PCDHGA8: variants seen among roughly 807,000 people sequenced by gnomAD.
PCDHGA8 encodes the protein protocadherin gamma subfamily A, 8.
In PCDHGA8, 45 loss-of-function variants were observed where a neutral mutation model predicts 59.2. The ratio of observed to expected loss-of-function variants is 0.76; its 90% CI spans 0.60 to 0.98. The LOEUF is 0.98. PCDHGA8 is among the 50% of genes least tolerant of loss of function. The pLI is 0.00. For synonymous variants in PCDHGA8, 531 were observed against 519.0 expected (o/e 1.02, Z -0.32); for missense variants, 1,257 against 1,196.2 (o/e 1.05, Z -0.75).
intron 1 of PCDHGA8, among the ~76,000 whole-genome samples, chr5:141,464,251 C>T (rs1438610569): frequency 1.4e-5 from 2 of 141,396 alleles, no homozygotes; most frequent in Admixed American, 7.5e-5. Flanking sequence ...GGCTACAGAG[C>T]GAGACTCCGT....
Position 141,485,855 on chromosome 5 carries a change from C to A in PCDHGA8, c.2425-8952C>A. ...CCCGCCGAGATCTGGCACCGCAGAG[C>A]TCCGGGTATCCGTGCTGGACGTAAA... On this transcript the variant is annotated intron_variant, in intron 1 of 3. Transcript: ENST00000398604. The surrounding 1 kb of genome is among the most constrained non-coding windows in gnomAD (Gnocchi z 5.7). 6.2e-7 allele frequency: 1 copy of A among 1,614,196 alleles called. No homozygotes were observed. Among genetic ancestry groups the A allele is most frequent in the Non-Finnish European group, 8.5e-7 (1 of 1,180,036 alleles).
rs1301800438 is a variant in PCDHGA8, at chr5:141,432,966, C to T, written c.2424+37729C>T. ...TCAGGAGGCGGCTTGACAGGAGCGC[C>T]GGCGTCGCACTTTGTGGGCGTGGAC... On this transcript the variant is annotated intron_variant, in intron 1 of 3. Coordinates refer to ENST00000398604, the MANE Select transcript of PCDHGA8 (RefSeq NM_032088.2). This position sits in a 1 kb window ranked among gnomAD's most constrained non-coding sequence, Gnocchi z 6.0. 1.2e-6 allele frequency: 2 copies of T among 1,614,066 alleles called. No homozygotes were observed. The highest frequency in any genetic ancestry group is 8.5e-7 in the Non-Finnish European group (1 of 1,180,052).
chr5:141,405,177 G>A, intron 1 of PCDHGA8: 3 of 1,614,140 alleles, frequency 1.9e-6, no homozygotes, highest in African/African-American at 1.3e-5. Flanking sequence ...CACTTTGTGG[G>A]TGTAGATGGG....
chr5:141,404,261 C>G, intron 1 of PCDHGA8: 1 of 1,613,950 alleles, frequency 6.2e-7, no homozygotes. Flanking sequence ...CACAGAAATT[C>G]ACATCACCCT....
rs151037104 is a variant in PCDHGA8, at chr5:141,393,242, C to G, written c.429C>G (p.Asn143Lys). 3 of 1,613,778 alleles carry G rather than the reference C, an allele frequency of 1.9e-6. 1 individual carries two copies. The East Asian group carries it at 6.7e-5, about 36-fold the overall frequency. ...TCGAAGATCTAGAAGTAAAAATTAA[C>G]GAAATCGCGGTTCCTGGAGCACGTT... ...FQVEDLEVKI[N>K]EIAVPGARYP... Residue 143 changes from asparagine (N) to lysine (K), a missense_variant, in exon 1 of 4, where the codon AAC becomes AAG. Physicochemically the swap from Asn to Lys is moderately conservative, Grantham distance 94 (BLOSUM62 0). Coordinates refer to ENST00000398604, the MANE Select transcript of PCDHGA8 (RefSeq NM_032088.2).
chr5:141,471,646 G>C (rs935284198), intron 1 of PCDHGA8: 1 of 152,108 alleles, frequency 6.6e-6, no homozygotes, highest in Non-Finnish European at 1.5e-5. Flanking sequence ...GTAATATACT[G>C]GATGTGGGGA....
At chr5:141,409,652 A>G in intron 1 of PCDHGA8, 1 of 1,613,654 alleles carries the variant, frequency 6.2e-7, no homozygotes, top group Non-Finnish European at 8.5e-7. Flanking sequence ...TTTGGGGCTC[A>G]ATGGCCACAT....
At chr5:141,470,682 T>C (rs2099236741) in intron 1 of PCDHGA8, among the ~76,000 whole-genome samples, 1 of 152,138 alleles carries the variant, frequency 6.6e-6, no homozygotes, top group Non-Finnish European at 1.5e-5. Flanking sequence ...TGTTACCATC[T>C]TGAAATTCTT....
rs1468210173 is a variant in PCDHGA8 at position 141,512,170 on chromosome 5, A to T, written c.*997A>T. 1 of 152,720 alleles carries T rather than the reference A, an allele frequency of 6.5e-6. No homozygotes were observed. The highest frequency in any genetic ancestry group is 1.5e-5 in the Non-Finnish European group (1 of 68,120). The allele number at this position is 152,720 out of a possible 1,614,324, so 9.5% of individuals were successfully genotyped here. On this transcript the variant is annotated 3_prime_UTR_variant, in exon 4 of 4. Coordinates refer to ENST00000398604, the MANE Select transcript of PCDHGA8 (RefSeq NM_032088.2). ...TGGGCTGAGCTAACAGGACCAATGG[A>T]TTAAACTGGCATTTCAGTCCAAGGA...
intron 1 of PCDHGA8, among the ~76,000 whole-genome samples, chr5:141,472,147 G>T (rs2099272889): frequency 6.6e-6 from 1 of 152,112 alleles, no homozygotes; most frequent in South Asian, 2.1e-4. Flanking sequence ...AAAGTTTCAT[G>T]GTTACATAGC....
At position 141,486,905 on chromosome 5, in the gene PCDHGA8, C is replaced by G. The variant is rs1463391292; in HGVS notation, c.2425-7902C>G. On this transcript the variant is annotated intron_variant, in intron 1 of 3. Coordinates refer to ENST00000398604, the MANE Select transcript of PCDHGA8 (RefSeq NM_032088.2). This position sits in a 1 kb window ranked among gnomAD's most constrained non-coding sequence, Gnocchi z 5.0. ...GGCCCGGCCTGGTTCCTTATGTCCC[C>G]AAGCACTGCCTCCATCAGTTGGTGC... 1 of 1,614,250 alleles carries G rather than the reference C, an allele frequency of 6.2e-7. No individual in the cohort carries two copies. The highest frequency in any genetic ancestry group is 1.3e-5 in the African/African-American group (1 of 75,066).
chr5:141,485,274 C>T lies in PCDHGA8; in HGVS notation c.2425-9533C>T. On this transcript the variant is annotated intron_variant, in intron 1 of 3. Transcript: ENST00000398604. The surrounding 1 kb of genome is among the most constrained non-coding windows in gnomAD (Gnocchi z 5.7). Reference sequence around the variant, plus strand: ...TACGTTTGTGGGCAGATCCGCTACCCGGTCCCAGAGGAGTCACAGGAAGGG... The same window carrying T: ...TACGTTTGTGGGCAGATCCGCTACCTGGTCCCAGAGGAGTCACAGGAAGGG... The T allele has an allele frequency of 6.2e-7, 1 of 1,614,106 alleles. No individual in the cohort carries two copies. Among genetic ancestry groups the T allele is most frequent in the South Asian group, 1.1e-5 (1 of 91,086 alleles).
chr5:141,511,373 G>T lies in PCDHGA8; in HGVS notation c.*200G>T. On this transcript the variant is annotated 3_prime_UTR_variant, in exon 4 of 4. Transcript: ENST00000398604. ...CCCCCAGGGGGTTGAATATGCAAAA[G>T]CAGTTCCGCTGGGAACCCCCATCCA... 8.0e-7 allele frequency: 1 copy of T among 1,251,332 alleles called. No homozygotes were observed. The highest frequency in any genetic ancestry group is 1.6e-5 in the South Asian group (1 of 63,796). The allele number at this position is 1,251,332 out of a possible 1,614,324, so 77.5% of individuals were successfully genotyped here.
At chr5:141,499,271 T>C (rs2099790752) in intron 2 of PCDHGA8, among the ~76,000 whole-genome samples, 1 of 152,180 alleles carries the variant, frequency 6.6e-6, no homozygotes, top group South Asian at 2.1e-4. Context: ...GTCCCTAGAC[T>C]GTTCTCTGAT....
intron 1 of PCDHGA8, chr5:141,442,378 GGT>G (rs2098320015): frequency 6.6e-6 from 1 of 152,334 alleles, no homozygotes; most frequent in Middle Eastern, 3.4e-3. Context: ...ATTCCTACCA[GGT>G]GTGTGCTTCT....
In PCDHGA8 at chr5:141,489,104, A is replaced by C; in HGVS notation, c.2425-5703A>C. The stretch of plus-strand genomic sequence containing the variant: ...CCACTCGGTGACTAAGAACTGCTGC[A>C]AGCAGGCAAACCTCCGAGCAGTTTT... On this transcript the variant is annotated intron_variant, in intron 1 of 3. Coordinates refer to ENST00000398604, the MANE Select transcript of PCDHGA8 (RefSeq NM_032088.2). The surrounding 1 kb of genome is among the most constrained non-coding windows in gnomAD (Gnocchi z 4.5). 2.5e-6 allele frequency: 1 copy of C among 405,816 alleles called. No individual in the cohort carries two copies. Among genetic ancestry groups the C allele is most frequent in the Non-Finnish European group, 4.3e-6 (1 of 232,372 alleles). 25.1% of individuals were successfully genotyped at this position (405,816 alleles called of 1,614,324 possible). A position where few individuals can be genotyped will look rare whatever the true frequency, so the allele number is the denominator to read the frequency against.
chr5:141,409,857 T>C (rs761331515), intron 1 of PCDHGA8: 2 of 1,612,228 alleles, frequency 1.2e-6, no homozygotes, highest in African/African-American at 2.7e-5. Context: ...CGCGTGTTGG[T>C]GGGAGACCGC....
intron 1 of PCDHGA8, among the ~76,000 whole-genome samples, chr5:141,450,696 A>G (rs943551061): frequency 1.3e-5 from 2 of 152,164 alleles, no homozygotes; most frequent in East Asian, 3.9e-4. Flanking sequence ...CATGTTGCCC[A>G]GGATGGTCTC....
At chr5:141,449,261 G>A (rs148515123) in intron 1 of PCDHGA8, among the ~76,000 whole-genome samples, 101 of 152,156 alleles carry the variant, frequency 6.6e-4, no homozygotes, top group Non-Finnish European at 1.3e-3. Flanking sequence ...ATTGTACAAA[G>A]AACTGTATCT....
Sources: gnomAD v4.1 joint callset for allele counts (sites outside exome capture counted in the v4.1 genomes callset) on GRCh38, gnomAD v4.1.1 for gene constraint, Gnocchi (gnomAD v3.1) non-coding constraint, MANE v1.5 for transcripts, NCBI Gene and HGNC (gene_info 2026-07-23, HGNC 2026-07-21) for gene names.